Variants in KANK2 observed in about 807,000 individuals in gnomAD.
The protein encoded by KANK2 is KN motif and ankyrin repeat domains 2, also known as KN motif and ankyrin repeat domain-containing protein 2.
A neutral mutation model predicts 74.6 loss-of-function variants in KANK2; 41 were observed. That is an observed-to-expected ratio of 0.55 (90% CI 0.43 to 0.71). The LOEUF (loss-of-function observed/expected upper bound fraction) is 0.71. KANK2 is among the 30% of genes least tolerant of loss of function. The pLI is 0.00. For synonymous variants in KANK2, 537 were observed against 519.0 expected, an observed-to-expected ratio of 1.03 and a Z score of -0.47; for missense variants, 1,148 against 1,196.4, an observed-to-expected ratio of 0.96 and a Z score of 0.60.
Position 11,172,964 on chromosome 19 carries a change from A to G in KANK2, c.2211+17T>C, listed in dbSNP as rs2078219125. 1.2e-6 allele frequency: 2 copies of G among 1,609,886 alleles called. No individual in the cohort carries two copies. Among genetic ancestry groups the G allele is most frequent in the Non-Finnish European group, 1.7e-6 (2 of 1,177,770 alleles). The stretch of plus-strand genomic sequence containing the variant: ...AGGAAGAGCCACCTGGATCTGCAGC[A>G]GCCGGGGTCCCCATACCTGGCTGGC... On this transcript the variant is annotated intron_variant, in intron 10 of 12. Transcript: ENST00000586659.
intron 7 of KANK2, 118 bp downstream of exon 7, chr19:11,176,460 A>C: frequency 8.5e-7 from 1 of 1,176,870 alleles, no homozygotes; most frequent in Non-Finnish European, 1.2e-6. Flanking sequence ...TTGCTAATTC[A>C]GACTAAAGTG....
intron 4 of KANK2, among the ~76,000 whole-genome samples, chr19:11,188,119 G>T (rs7247548): frequency 0.063 from 9,628 of 152,214 alleles, 1,021 homozygotes; most frequent in African/African-American, 0.22. Flanking sequence ...TAATACAAGA[G>T]AAGTGGTCTG....
chr19:11,174,902 C>G (rs1023595816), intron 8 of KANK2, among the ~76,000 whole-genome samples: 2 of 151,908 alleles, frequency 1.3e-5, no homozygotes, highest in African/African-American at 2.4e-5. Context: ...ATCCCCAACA[C>G]GTTCCCCAAG....
At chr19:11,179,260 G>A (rs567511475) in intron 4 of KANK2, among the ~76,000 whole-genome samples, 156 of 150,568 alleles carry the variant, frequency 1.0e-3, no homozygotes, top group Admixed American at 5.1e-3. Flanking sequence ...AGGTTGCAGT[G>A]AGCAGAGATC....
intron 4 of KANK2, among the ~76,000 whole-genome samples, chr19:11,184,599 C>T (rs2078623282): frequency 6.7e-6 from 1 of 149,414 alleles, no homozygotes; most frequent in Non-Finnish European, 1.5e-5. Context: ...AAACCAGTCA[C>T]AGACAGTATG....
intron 4 of KANK2, among the ~76,000 whole-genome samples, chr19:11,182,429 G>A (rs1309348413): frequency 6.6e-6 from 1 of 151,666 alleles, no homozygotes; most frequent in African/African-American, 2.4e-5. Context: ...ACTTGGCTGA[G>A]ATGAAAAGAT....
At chr19:11,172,034 G>C (rs1260792394) in intron 10 of KANK2, among the ~76,000 whole-genome samples, 1 of 148,398 alleles carries the variant, frequency 6.7e-6, no homozygotes, top group Non-Finnish European at 1.5e-5. Flanking sequence ...GGAGGACAGT[G>C]GTGCGATCTC....
chr19:11,170,112 C>T lies in KANK2; in HGVS notation c.2348G>A (p.Gly783Asp). Residue 783 changes from glycine to aspartate, a missense_variant, in exon 11 of 13, where the codon GGC (glycine) becomes GAC (aspartate). Transcript: ENST00000586659. The surrounding 1 kb of genome is among the most constrained non-coding windows in gnomAD (Gnocchi z 5.2). The stretch of plus-strand genomic sequence containing the variant: ...CAGCAGCCCCGCGATCTCCTTGTGG[C>T]CGTGCTCACAGGCGCACATGAGGGC... ...STALMCACEH[G>D]HKEIAGLLLA... is the part of the protein sequence containing the mutation. 1 of 1,613,328 alleles carries T rather than the reference C, an allele frequency of 6.2e-7. No homozygotes were observed. Among genetic ancestry groups the T allele is most frequent in the Non-Finnish European group, 8.5e-7 (1 of 1,180,022 alleles).
At chr19:11,194,109 G>T (rs1229990881) in intron 3 of KANK2, 67 bp from the exon 4 acceptor site, 5 of 1,493,316 alleles carry the variant, frequency 3.3e-6, no homozygotes, top group Non-Finnish European at 3.6e-6. Context: ...GAAGACTGAT[G>T]CCTGGGGAGA....
At chr19:11,176,462 A>G (rs974780787) in intron 7 of KANK2, 116 bp downstream of exon 7, 2 of 1,202,304 alleles carry the variant, frequency 1.7e-6, no homozygotes, top group South Asian at 1.8e-5. Flanking sequence ...GCTAATTCAG[A>G]CTAAAGTGTG....
At chr19:11,181,305 G>A (rs2078511943) in intron 4 of KANK2, among the ~76,000 whole-genome samples, 3 of 151,250 alleles carry the variant, frequency 2.0e-5, no homozygotes, top group African/African-American at 7.3e-5. Flanking sequence ...GGAGGGCAGT[G>A]GCGTGATCTC....
In KANK2 at chr19:11,176,324, T is replaced by G. The variant is rs761694706; in HGVS notation, c.1760+254A>C. Among the ~76,000 whole-genome samples, 7 of 152,148 alleles carry G rather than the reference T, an allele frequency of 4.6e-5. No individual in the cohort carries two copies. In the South Asian group the frequency reaches 1.4e-3, roughly 32 times the overall value. On this transcript the variant is annotated intron_variant, in intron 7 of 12. Transcript: ENST00000586659. ...GGTAGAGGAAACGTCCCAAAGTAGG[T>G]GGGTGATTTTGGGATAAACTTTGGC...
At chr19:11,172,123 G>A (rs951950255) in intron 10 of KANK2, among the ~76,000 whole-genome samples, 1 of 149,766 alleles carries the variant, frequency 6.7e-6, no homozygotes. Context: ...TTATAGGCAC[G>A]TGCCACCACG....
In KANK2 at chr19:11,178,562, C is replaced by A; in HGVS notation, c.1408G>T (p.Gly470Trp). The A allele has an allele frequency of 6.2e-7, 1 of 1,603,520 alleles. No homozygotes were observed. Among genetic ancestry groups the A allele is most frequent in the Non-Finnish European group, 8.5e-7 (1 of 1,176,170 alleles). The part of the protein sequence containing the change: ...QAASQESEEA[G>W]GTGGPPAGVR... ...GCCACCCACCACTTACCGGTGCCCC[C>A]GGCCTCCTCGGACTCTTGGGAGGCT... is the stretch of plus-strand genomic sequence containing the variant. Residue 470 changes from glycine (G) to tryptophan (W), a missense_variant, in exon 5 of 13, where the codon GGG (glycine) becomes TGG (tryptophan). Gly to Trp is a radical substitution (Grantham distance 184). Transcript: ENST00000586659.
Position 11,192,861 on chromosome 19 carries a change from T to G in KANK2, c.1219A>C (p.Ile407Leu), listed in dbSNP as rs2078892401. Reference sequence around the variant, plus strand: ...GCTCCATCGCAGCTTCGCTCTGTGATGCTAATCTTCTTCACCATATGGACG... The same window carrying G: ...GCTCCATCGCAGCTTCGCTCTGTGAGGCTAATCTTCTTCACCATATGGACG... ...SNVHMVKKIS[I>L]TERSCDGAAG... Residue 407 changes from isoleucine (I) to leucine (L), a missense_variant, in exon 4 of 13, where the codon ATC (isoleucine) becomes CTC (leucine). Ile to Leu is a conservative substitution (Grantham distance 5). Transcript: ENST00000586659. 6.2e-7 allele frequency: 1 copy of G among 1,607,366 alleles called. No individual in the cohort carries two copies. Among genetic ancestry groups the G allele is most frequent in the Non-Finnish European group, 8.5e-7 (1 of 1,176,788 alleles).
Position 11,165,313 on chromosome 19 carries a change from G to A in KANK2, c.*1245C>T, listed in dbSNP as rs2147346488. ...CAACTTTTAATCGTACACACATGGG[G>A]TTTTTGGGAGCCGGCCCTGCGTTTT... is the stretch of plus-strand genomic sequence containing the variant. On this transcript the variant is annotated 3_prime_UTR_variant, in exon 13 of 13. Coordinates refer to ENST00000586659, the MANE Select transcript of KANK2 (RefSeq NM_001136191.3). 1 of 152,282 alleles carries A rather than the reference G, an allele frequency of 6.6e-6. No homozygotes were observed. Among genetic ancestry groups the A allele is most frequent in the East Asian group, 1.9e-4 (1 of 5,182 alleles). 9.4% of individuals were successfully genotyped at this position (152,282 alleles called of 1,614,324 possible). A position where few individuals can be genotyped will look rare whatever the true frequency, so the allele number is the denominator to read the frequency against.
intron 3 of KANK2, among the ~76,000 whole-genome samples, 173 bp from the exon 4 acceptor site, chr19:11,194,215 A>G (rs977118328): frequency 6.6e-6 from 1 of 151,478 alleles, no homozygotes; most frequent in Non-Finnish European, 1.5e-5. Flanking sequence ...TCCCCTTCAG[A>G]CTCCCGGCGC....
chr19:11,192,781 AG>A lies in KANK2; in HGVS notation c.1249+49del, dbSNP rs761900295. The stretch of plus-strand genomic sequence containing the variant: ...TCCAGGATGAGCCATGGGAAGAAAG[AG>A]GCCCCCCCCCCCCAAGCCATTCTCC... On this transcript the variant is annotated intron_variant, in intron 4 of 12. Coordinates refer to ENST00000586659, the MANE Select transcript of KANK2 (RefSeq NM_001136191.3). 123 of 1,521,706 alleles carry A rather than the reference AG, an allele frequency of 8.1e-5. 1 individual carries two copies. In the Admixed American group the frequency reaches 1.6e-3, roughly 20 times the overall value. 94.3% of individuals were successfully genotyped at this position (1,521,706 alleles called of 1,614,324 possible).
rs1225854652 is a variant in KANK2, at chr19:11,192,978, C to T, written c.1102G>A (p.Ala368Thr). The T allele has an allele frequency of 6.2e-7, 1 of 1,614,080 alleles. No homozygotes were observed. Among genetic ancestry groups the T allele is most frequent in the South Asian group, 1.1e-5 (1 of 91,088 alleles). Residue 368 changes from alanine (A) to threonine (T), a missense_variant, in exon 4 of 13, where the codon GCA becomes ACA. Coordinates refer to ENST00000586659, the MANE Select transcript of KANK2 (RefSeq NM_001136191.3). ...GGGCTCTCAGGCCTACCAGGCATTG[C>T]CAGGGCCCTCAGCCCTGTGCCGTAA... ...EPYGTGLRAL[A>T]MPGRPESPPV...
Sources: gnomAD v4.1 joint callset for allele counts (sites outside exome capture counted in the v4.1 genomes callset) on GRCh38, gnomAD v4.1.1 for gene constraint, Gnocchi (gnomAD v3.1) non-coding constraint, MANE v1.5 for transcripts, NCBI Gene and HGNC (gene_info 2026-07-23, HGNC 2026-07-21) for gene names.